MYO9A: variants seen among roughly 807,000 people sequenced by gnomAD.
The protein encoded by MYO9A is myosin IXA.
A neutral mutation model predicts 293.3 loss-of-function variants in MYO9A; 103 were observed. The ratio of observed to expected loss-of-function variants is 0.35; its 90% confidence interval spans 0.30 to 0.41. The LOEUF is 0.41. MYO9A is among the 10% of genes least tolerant of loss of function. The probability of loss-of-function intolerance (pLI) is 1.00; values close to 1 mark genes in which losing one functional copy is unlikely to be tolerated. For synonymous variants in MYO9A, 1,001 were observed against 1,035.7 expected (o/e 0.97, Z 0.64); for missense variants, 2,685 against 3,033.0 (o/e 0.89, Z 2.69).
rs962381757 is a variant in MYO9A, at chr15:71,869,175, A to G, written c.5980-6564T>C. On this transcript the variant is annotated intron_variant, in intron 32 of 41. Coordinates refer to ENST00000356056, the MANE Select transcript of MYO9A (RefSeq NM_006901.4). The stretch of plus-strand genomic sequence containing the variant: ...TTGAGGAATAAGAGGACACTTATTT[A>G]CATGGTCTGAAGTATATCCCCACAA... 3.3e-5 allele frequency among the ~76,000 whole-genome samples: 5 copies of G among 152,226 alleles called. No individual in the cohort carries two copies. The East Asian group carries it at 9.6e-4, about 29-fold the overall frequency.
intron 1 of MYO9A, among the ~76,000 whole-genome samples, chr15:72,115,011 T>G (rs1252060854): frequency 3.3e-5 from 5 of 152,202 alleles, no homozygotes; most frequent in African/African-American, 1.2e-4. Context: ...ATTGAGGTAC[T>G]TGTTAAAAAA....
chr15:72,053,280 C>T (rs2078624540), intron 1 of MYO9A, among the ~76,000 whole-genome samples: 1 of 152,004 alleles, frequency 6.6e-6, no homozygotes, highest in Admixed American at 6.6e-5. Flanking sequence ...GTGCTGCGTG[C>T]CTGTAATCCC....
intron 1 of MYO9A, among the ~76,000 whole-genome samples, chr15:72,110,311 C>T (rs1160837389): frequency 8.0e-5 from 12 of 149,482 alleles, no homozygotes; most frequent in South Asian, 2.1e-4. Context: ...TGGCAGGCAC[C>T]TGTAATCCCA....
rs534312766 is a variant in MYO9A at position 72,094,821 on chromosome 15, T to A, written c.-72+22859A>T. On this transcript the variant is annotated intron_variant, in intron 1 of 41. Coordinates refer to ENST00000356056, the MANE Select transcript of MYO9A (RefSeq NM_006901.4). ...TAAGCCGCCACACCTAGCTTCAAAC[T>A]TTTTTATTATTATATCTGTTATGGT... Among the ~76,000 whole-genome samples the A allele has an allele frequency of 1.2e-4, 11 of 92,220 alleles. 1 individual carries two copies. Among genetic ancestry groups the A allele is most frequent in the African/African-American group, 2.8e-4 (11 of 38,968 alleles). The allele number at this position is 92,220 out of a possible 152,430, so 60.5% of individuals were successfully genotyped here. A position where few individuals can be genotyped will look rare whatever the true frequency, so the allele number is the denominator to read the frequency against.
intron 26 of MYO9A, chr15:71,889,927 T>G (rs2057129975): frequency 6.6e-6 from 1 of 152,170 alleles, no homozygotes; most frequent in African/African-American, 2.4e-5. Context: ...TAGTCAACAG[T>G]GTGGCTGCTG....
At chr15:71,906,543 A>G in intron 19 of MYO9A, among the ~76,000 whole-genome samples, 1 of 152,032 alleles carries the variant, frequency 6.6e-6, no homozygotes, top group East Asian at 1.9e-4. Context: ...TATCACTATG[A>G]AATTATCTCC....
At chr15:72,038,440 C>A (rs1365682451) in intron 2 of MYO9A, among the ~76,000 whole-genome samples, 2 of 152,166 alleles carry the variant, frequency 1.3e-5, no homozygotes, top group African/African-American at 4.8e-5. Context: ...TCAAGTTATA[C>A]AACACAGTGT....
Position 71,854,389 on chromosome 15 carries a change from C to G in MYO9A, c.6334G>C (p.Gly2112Arg), listed in dbSNP as rs1443940111. Residue 2112 changes from glycine to arginine, a missense_variant, in exon 35 of 42, where the codon GGT becomes CGT. Physicochemically the swap from Gly to Arg is moderately radical, Grantham distance 125 (BLOSUM62 -2). Around this residue, in one of 10 missense-constraint regions of MYO9A, gnomAD observed 238 missense variants for 269.1 expected, o/e 0.88. Coordinates refer to ENST00000356056, the MANE Select transcript of MYO9A (RefSeq NM_006901.4). ...GGCACTATCTTACCTGTATCTAGAC[C>G]CTGCCGAAGCTCCTTGATTTTATTA... ...STNKIKELRQ[G>R]LDTDAESVNL... 2.5e-6 allele frequency: 4 copies of G among 1,588,372 alleles called. No homozygotes were observed. The highest frequency in any genetic ancestry group is 3.4e-6 in the Non-Finnish European group (4 of 1,169,050).
At chr15:72,003,808 G>A (rs1308626238) in intron 8 of MYO9A, among the ~76,000 whole-genome samples, 1 of 151,618 alleles carries the variant, frequency 6.6e-6, no homozygotes, top group Non-Finnish European at 1.5e-5. Flanking sequence ...AGCCAGATTT[G>A]AAAATCCTAA....
intron 16 of MYO9A, among the ~76,000 whole-genome samples, chr15:71,938,202 C>T (rs902512112): frequency 6.6e-6 from 1 of 151,944 alleles, no homozygotes; most frequent in Non-Finnish European, 1.5e-5. Flanking sequence ...TGAAGTTATA[C>T]CTTCATTTTA....
intron 6 of MYO9A, among the ~76,000 whole-genome samples, chr15:72,017,282 G>C (rs2077373700): frequency 6.6e-6 from 1 of 151,994 alleles, no homozygotes; most frequent in Non-Finnish European, 1.5e-5. Context: ...CAGAAGTGTT[G>C]AATTACAGGC....
intron 3 of MYO9A, 23 bp from the exon 4 acceptor site, chr15:72,027,816 T>C (rs779318650): frequency 6.5e-7 from 1 of 1,538,800 alleles, no homozygotes; most frequent in Non-Finnish European, 8.9e-7. Flanking sequence ...TTAAATTGGT[T>C]GATATAAATA....
At chr15:72,033,583 G>A (rs903416755) in intron 2 of MYO9A, among the ~76,000 whole-genome samples, 1 of 152,128 alleles carries the variant, frequency 6.6e-6, no homozygotes, top group Non-Finnish European at 1.5e-5. Context: ...TGAAATTCTA[G>A]AAAAGGCAAA....
intron 1 of MYO9A, among the ~76,000 whole-genome samples, chr15:72,088,930 T>G (rs2079823724): frequency 6.6e-6 from 1 of 152,176 alleles, no homozygotes; most frequent in African/African-American, 2.4e-5. Flanking sequence ...TCCACAGTCA[T>G]CCAGTCTCCC....
intron 11 of MYO9A, among the ~76,000 whole-genome samples, chr15:71,986,381 T>C (rs1438985302): frequency 6.6e-6 from 1 of 152,186 alleles, no homozygotes; most frequent in African/African-American, 2.4e-5. Context: ...CAGAAACCTC[T>C]TTGGGTCTGT....
chr15:71,994,653 T>G, intron 9 of MYO9A, 68 bp from the exon 10 acceptor site: 1 of 841,862 alleles, frequency 1.2e-6, no homozygotes, highest in Non-Finnish European at 1.8e-6. Context: ...ACAAAGTTGT[T>G]TGCTCCCATT....
intron 10 of MYO9A, among the ~76,000 whole-genome samples, chr15:71,992,304 T>A: frequency 6.6e-6 from 1 of 152,200 alleles, no homozygotes; most frequent in East Asian, 1.9e-4. Context: ...TTGGCTCTAA[T>A]ACCTGCATAT....
At chr15:71,864,935 A>C (rs1212023690) in intron 32 of MYO9A, among the ~76,000 whole-genome samples, 2 of 152,224 alleles carry the variant, frequency 1.3e-5, no homozygotes, top group Admixed American at 6.5e-5. Context: ...ACACATAAAA[A>C]GGGATAAATT....
intron 14 of MYO9A, chr15:71,959,676 G>A (rs746408685): frequency 4.8e-5 from 25 of 523,366 alleles, no homozygotes; most frequent in Non-Finnish European, 7.8e-5. Flanking sequence ...CAGATGCTCT[G>A]ACTTTATCCT....
Sources: gnomAD v4.1 joint callset for allele counts (sites outside exome capture counted in the v4.1 genomes callset) on GRCh38, gnomAD v4.1.1 for gene constraint, gnomAD v4.1.1 regional missense constraint, MANE v1.5 for transcripts, NCBI Gene and HGNC (gene_info 2026-07-23, HGNC 2026-07-21) for gene names.